The following RTN1 variants were observed in gnomAD, a reference collection of about 807,000 sequenced individuals.
RTN1 encodes reticulon-1.
Under a neutral mutation model 65.5 loss-of-function variants are expected in RTN1, and 25 were observed. The observed-to-expected ratio is 0.38, with a 90% CI of 0.28 to 0.53. RTN1 has a LOEUF of 0.53. Ranked by LOEUF, RTN1 falls within the 20% of genes least tolerant of loss-of-function variation. The pLI is 0.79. For synonymous variants in RTN1, 471 were observed against 447.6 expected (o/e 1.05, Z -0.66); for missense variants, 983 against 1,025.4 (o/e 0.96, Z 0.57).
chr14:59,735,270 CCACTACAAAAA>C, intron 2 of RTN1, among the ~76,000 whole-genome samples: 1 of 152,200 alleles, frequency 6.6e-6, no homozygotes, highest in East Asian at 1.9e-4. Flanking sequence ...CCATTACCAG[CCACTACAAAAA>C]CACATTGAAG....
At chr14:59,798,689 T>C (rs568439013) in intron 1 of RTN1, among the ~76,000 whole-genome samples, 1 of 152,120 alleles carries the variant, frequency 6.6e-6, no homozygotes, top group Admixed American at 6.6e-5. Flanking sequence ...CCCGCCTGGA[T>C]AATCTCAACA....
intron 3 of RTN1, among the ~76,000 whole-genome samples, chr14:59,714,459 G>A (rs1473882699): frequency 6.6e-6 from 1 of 152,108 alleles, no homozygotes; most frequent in Non-Finnish European, 1.5e-5. Flanking sequence ...GTGTTCATTA[G>A]CAGGTAGCTT....
intron 3 of RTN1, among the ~76,000 whole-genome samples, chr14:59,688,831 C>T (rs1883900132): frequency 6.6e-6 from 1 of 151,828 alleles, no homozygotes; most frequent in South Asian, 2.1e-4. Flanking sequence ...CCCAACCACA[C>T]AAAAATAATG....
At chr14:59,783,255 T>A (rs1192303058) in intron 1 of RTN1, among the ~76,000 whole-genome samples, 1 of 152,112 alleles carries the variant, frequency 6.6e-6, no homozygotes. Flanking sequence ...GTATGTGCAA[T>A]AAAATGGACA....
At chr14:59,707,163 G>C (rs1178181619) in intron 3 of RTN1, among the ~76,000 whole-genome samples, 1 of 152,164 alleles carries the variant, frequency 6.6e-6, no homozygotes, top group African/African-American at 2.4e-5. Context: ...GGCTTTTAAA[G>C]AGCAGATTTG....
chr14:59,691,714 G>A (rs1220096821), intron 3 of RTN1, among the ~76,000 whole-genome samples: 1 of 152,034 alleles, frequency 6.6e-6, no homozygotes, highest in African/African-American at 2.4e-5. Flanking sequence ...AACCCAGCAG[G>A]TCATCAAAAA....
chr14:59,607,413 C>T lies in RTN1; in HGVS notation c.1845G>A (p.Leu615=), dbSNP rs761776233. ...CGACGCTCACCACGCTGAACTGGGTCAGGGAGAAGAGCAGCAGCAGGAAAC... is the reference window on the plus strand; with the variant it reads ...CGACGCTCACCACGCTGAACTGGGTTAGGGAGAAGAGCAGCAGCAGGAAAC... ...FGSFLLLLFS[L]TQFSVVSVVA... Residue 615 remains leucine, a synonymous_variant, in exon 4 of 9, where the codon CTG becomes CTA. Coordinates refer to ENST00000267484, the MANE Select transcript of RTN1 (RefSeq NM_021136.3). The T allele has an allele frequency of 2.9e-5, 46 of 1,613,902 alleles. No homozygotes were observed. The South Asian group carries it at 5.1e-4, about 18-fold the overall frequency.
At chr14:59,657,579 GC>G (rs1883148711) in intron 3 of RTN1, among the ~76,000 whole-genome samples, 1 of 152,210 alleles carries the variant, frequency 6.6e-6, no homozygotes, top group Non-Finnish European at 1.5e-5. Flanking sequence ...GACAGTGGGT[GC>G]AGCCCATGGA....
intron 1 of RTN1, among the ~76,000 whole-genome samples, chr14:59,792,449 T>C (rs1369796024): frequency 6.6e-6 from 1 of 151,900 alleles, no homozygotes; most frequent in Non-Finnish European, 1.5e-5. Flanking sequence ...CATGCTTGCA[T>C]AAGTAAATGG....
At chr14:59,732,388 C>T (rs1884917221) in intron 2 of RTN1, among the ~76,000 whole-genome samples, 1 of 152,194 alleles carries the variant, frequency 6.6e-6, no homozygotes, top group Non-Finnish European at 1.5e-5. Flanking sequence ...CAAATGAATA[C>T]AGTACCTTCA....
chr14:59,672,684 A>G (rs1470827223), intron 3 of RTN1, among the ~76,000 whole-genome samples: 2 of 120,306 alleles, frequency 1.7e-5, no homozygotes, highest in African/African-American at 6.3e-5. Flanking sequence ...CCCAGGCCGG[A>G]CTGCGGACTG....
At chr14:59,613,754 T>C (rs1017915205) in intron 3 of RTN1, among the ~76,000 whole-genome samples, 5 of 151,936 alleles carry the variant, frequency 3.3e-5, no homozygotes, top group African/African-American at 1.2e-4. Context: ...TAACTTCTGG[T>C]AGCCTGAGAT....
At chr14:59,706,132 C>T (rs1244857961) in intron 3 of RTN1, among the ~76,000 whole-genome samples, 1 of 152,206 alleles carries the variant, frequency 6.6e-6, no homozygotes, top group Non-Finnish European at 1.5e-5. Flanking sequence ...ACCCGACAGA[C>T]ATTTCACCTA....
rs534796009 is a variant in RTN1, at chr14:59,809,054, T to C, written c.241+61336A>G. 5.9e-5 allele frequency among the ~76,000 whole-genome samples: 9 copies of C among 152,294 alleles called. No homozygotes were observed. The South Asian group carries it at 8.3e-4, about 14-fold the overall frequency. On this transcript the variant is annotated intron_variant, in intron 1 of 8. Transcript: ENST00000267484. ...GGCTAACAAAAACTGTTTCCAAGGA[T>C]TTTCTAAAAACACTTTTGCATCCTT...
At chr14:59,765,933 A>C (rs748211900) in intron 1 of RTN1, among the ~76,000 whole-genome samples, 2 of 152,208 alleles carry the variant, frequency 1.3e-5, no homozygotes, top group Non-Finnish European at 2.9e-5. Flanking sequence ...TTGATGCTTT[A>C]AAAGAAAAAA....
intron 1 of RTN1, among the ~76,000 whole-genome samples, chr14:59,830,958 T>C (rs1887114771): frequency 6.6e-6 from 1 of 152,206 alleles, no homozygotes; most frequent in African/African-American, 2.4e-5. Flanking sequence ...GACCAGTTCA[T>C]GAAAAGATGT....
chr14:59,644,953 C>A, intron 3 of RTN1, among the ~76,000 whole-genome samples: 1 of 152,248 alleles, frequency 6.6e-6, no homozygotes, highest in Non-Finnish European at 1.5e-5. Context: ...GAATGGAGCT[C>A]CCAGGGGGAG....
At chr14:59,773,036 G>C (rs1885988016) in intron 1 of RTN1, among the ~76,000 whole-genome samples, 1 of 152,044 alleles carries the variant, frequency 6.6e-6, no homozygotes, top group African/African-American at 2.4e-5. Context: ...AATGAACAAA[G>C]CTACAGTAAA....
At chr14:59,843,353 T>C (rs986485888) in intron 1 of RTN1, among the ~76,000 whole-genome samples, 1 of 152,176 alleles carries the variant, frequency 6.6e-6, no homozygotes, top group African/African-American at 2.4e-5. Flanking sequence ...TCCCTACTGA[T>C]AGAAGTGTTC....
Sources: allele counts gnomAD v4.1 joint callset (sites outside exome capture counted in the v4.1 genomes callset), GRCh38; gene constraint gnomAD v4.1.1; transcripts MANE v1.5; gene names NCBI Gene and HGNC (gene_info 2026-07-23, HGNC 2026-07-21).